Variants in PMP22 observed in about 807,000 individuals in gnomAD.
PMP22 encodes peripheral myelin protein 22.
Under a neutral mutation model 18.9 loss-of-function variants are expected in PMP22, and 2 were observed. The observed-to-expected ratio is 0.11, with a 90% CI of 0.04 to 0.33. The LOEUF is 0.33. Ranked by LOEUF, PMP22 falls within the 10% of genes least tolerant of loss-of-function variation. The pLI is 1.00. For synonymous variants in PMP22, 95 were observed against 89.2 expected (o/e 1.07, Z -0.37); for missense variants, 169 against 202.2 (o/e 0.84, Z 1.00).
At chr17:15,249,288 GCAGGTCCTACCTCAACTT>G (rs1441629476) in intron 3 of PMP22, among the ~76,000 whole-genome samples, 3 of 152,112 alleles carry the variant, frequency 2.0e-5, no homozygotes, top group Admixed American at 6.5e-5. Context: ...CATGCAATGT[GCAGGTCCTACCTCAACTT>G]CAGGTCCTAC....
intron 3 of PMP22, among the ~76,000 whole-genome samples, chr17:15,251,053 G>A (rs1224497215): frequency 3.9e-5 from 6 of 152,168 alleles, no homozygotes; most frequent in African/African-American, 1.4e-4. Flanking sequence ...CAGCCTGTGA[G>A]GCACCAGCGA....
chr17:15,251,904 G>A (rs1908387366), intron 3 of PMP22, among the ~76,000 whole-genome samples: 1 of 151,950 alleles, frequency 6.6e-6, no homozygotes, highest in African/African-American at 2.4e-5. Context: ...TCAGACACAG[G>A]TTCAAACAAA....
intron 4 of PMP22, among the ~76,000 whole-genome samples, chr17:15,234,812 CT>C (rs35826567): frequency 0.06 from 8,751 of 144,714 alleles, 370 homozygotes; most frequent in South Asian, 0.18. Context: ...CCACCAAATT[CT>C]TTTTTTTTTT....
chr17:15,237,296 T>C (rs955015719), intron 4 of PMP22, among the ~76,000 whole-genome samples: 1 of 152,212 alleles, frequency 6.6e-6, no homozygotes, highest in Admixed American at 6.5e-5. Context: ...CTTTGAGTTT[T>C]GGCCTAAAAT....
chr17:15,261,028 C>G lies in PMP22; in HGVS notation c.-34-267G>C, dbSNP rs1023204251. The G allele has an allele frequency of 1.4e-5, 3 of 221,948 alleles. No homozygotes were observed. Among genetic ancestry groups the G allele is most frequent in the African/African-American group, 6.9e-5 (3 of 43,176 alleles). The allele number at this position is 221,948 out of a possible 1,614,324, so 13.7% of individuals were successfully genotyped here. A position where few individuals can be genotyped will look rare whatever the true frequency, so the allele number is the denominator to read the frequency against. On this transcript the variant is annotated intron_variant, in intron 1 of 4. Transcript: ENST00000312280. The surrounding 1 kb of genome is among the most constrained non-coding windows in gnomAD (Gnocchi z 5.2). ...GCTTTTGGAAACAAAACAAGCGGTT[C>G]GCACGTCTAAAACCACCCAGGGAAC... is the stretch of plus-strand genomic sequence containing the variant.
At chr17:15,235,391 A>T in intron 4 of PMP22, 1 of 704,180 alleles carries the variant, frequency 1.4e-6, no homozygotes, top group Non-Finnish European at 2.6e-6. Context: ...CAGTAAAATA[A>T]ATCAAAACGT....
In PMP22 at chr17:15,236,758, G is replaced by A. The variant is rs533124878; in HGVS notation, c.319+2713C>T. Among the ~76,000 whole-genome samples, 13 of 152,246 alleles carry A rather than the reference G, an allele frequency of 8.5e-5. No homozygotes were observed. The South Asian group carries it at 2.3e-3, about 27-fold the overall frequency. ...CAAAATTGACTTAGAACTGTCACAC[G>A]ATAAGGGAACCAGGAACTCTCCAAA... On this transcript the variant is annotated intron_variant, in intron 4 of 4. Coordinates refer to ENST00000312280, the MANE Select transcript of PMP22 (RefSeq NM_000304.4).
intron 4 of PMP22, among the ~76,000 whole-genome samples, chr17:15,237,462 T>C (rs1052209272): frequency 1.3e-5 from 2 of 152,220 alleles, no homozygotes; most frequent in Non-Finnish European, 2.9e-5. Flanking sequence ...GACTGGGTCT[T>C]ATAGTACAGG....
intron 1 of PMP22, among the ~76,000 whole-genome samples, chr17:15,263,781 G>T (rs911776960): frequency 7.9e-5 from 12 of 152,270 alleles, no homozygotes; most frequent in South Asian, 2.1e-4. Flanking sequence ...AAACTATCGT[G>T]TTATCAGATT....
chr17:15,242,259 A>G (rs1266151221), intron 3 of PMP22, among the ~76,000 whole-genome samples: 2 of 150,046 alleles, frequency 1.3e-5, no homozygotes, highest in East Asian at 1.9e-4. Flanking sequence ...CTCAAAAAAA[A>G]AAAAAAAAAA....
chr17:15,235,314 C>T (rs772639644), intron 4 of PMP22: 66 of 717,346 alleles, frequency 9.2e-5, no homozygotes, highest in Non-Finnish European at 1.5e-4. Flanking sequence ...ATCTAATCAT[C>T]CAACCAATAA....
intron 4 of PMP22, among the ~76,000 whole-genome samples, chr17:15,234,015 A>T (rs1018729862): frequency 6.6e-5 from 10 of 152,214 alleles, no homozygotes; most frequent in African/African-American, 2.4e-4. Context: ...CACTCTGGCC[A>T]TGGTGCAGAA....
At chr17:15,239,269 G>A (rs2150676150) in intron 4 of PMP22, 10 of 646,856 alleles carry the variant, frequency 1.5e-5, no homozygotes, top group South Asian at 1.4e-4. Context: ...GGGAGAAGGG[G>A]AGAGTTCTAA....
At chr17:15,239,700 G>T in intron 3 of PMP22, 89 bp from the exon 4 acceptor site, 1 of 1,286,484 alleles carries the variant, frequency 7.8e-7, no homozygotes, top group Non-Finnish European at 1.1e-6. Flanking sequence ...GGCCATGACT[G>T]CTGACAGCAC....
chr17:15,243,131 AC>A (rs1402454724), intron 3 of PMP22, among the ~76,000 whole-genome samples: 2 of 152,188 alleles, frequency 1.3e-5, no homozygotes, highest in Non-Finnish European at 2.9e-5. Context: ...CAGAAAAAAA[AC>A]AATGAAATAA....
chr17:15,249,448 C>T (rs1346771202), intron 3 of PMP22, among the ~76,000 whole-genome samples: 2 of 152,190 alleles, frequency 1.3e-5, no homozygotes, highest in Non-Finnish European at 2.9e-5. Context: ...CTACAACACA[C>T]TGGGGGTGCA....
intron 3 of PMP22, among the ~76,000 whole-genome samples, chr17:15,254,489 G>C (rs1908644442): frequency 6.6e-6 from 1 of 152,176 alleles, no homozygotes; most frequent in African/African-American, 2.4e-5. Flanking sequence ...GGCTGGTGAA[G>C]CAGCATTCAC....
intron 4 of PMP22, among the ~76,000 whole-genome samples, chr17:15,234,020 G>A (rs1906581142): frequency 6.6e-6 from 1 of 152,212 alleles, no homozygotes; most frequent in Non-Finnish European, 1.5e-5. Flanking sequence ...TGGCCATGGT[G>A]CAGAAAATGG....
In PMP22 at chr17:15,260,786, G is replaced by A. The variant is rs181535380; in HGVS notation, c.-34-25C>T. The A allele has an allele frequency of 7.8e-4, 1,133 of 1,446,146 alleles. 1 individual carries two copies. The highest frequency in any genetic ancestry group is 9.8e-4 in the Non-Finnish European group (1,026 of 1,051,378). The allele number at this position is 1,446,146 out of a possible 1,614,324, so 89.6% of individuals were successfully genotyped here. ...CCTGCGAGGAGAGCGCTGGGCGTGA[G>A]GCCGAACGCACTGGGCCGAGCGACG... On this transcript the variant is annotated intron_variant, in intron 1 of 4. Transcript: ENST00000312280.
Sources: allele counts gnomAD v4.1 joint callset (sites outside exome capture counted in the v4.1 genomes callset), GRCh38; gene constraint gnomAD v4.1.1; non-coding constraint Gnocchi (gnomAD v3.1); transcripts MANE v1.5; gene names NCBI Gene and HGNC (gene_info 2026-07-23, HGNC 2026-07-21).